Variants in SHISAL1 observed in about 807,000 individuals in gnomAD.
SHISAL1 encodes protein shisa-like-1.
Under a neutral mutation model 22.6 loss-of-function variants are expected in SHISAL1, and 9 were observed. The ratio of observed to expected loss-of-function variants is 0.40; its 90% CI spans 0.24 to 0.70. SHISAL1 has a LOEUF of 0.70. Among genes scored for constraint, SHISAL1 ranks in the 30% least tolerant of loss-of-function variants. SHISAL1 has a pLI of 0.39. For missense variants in SHISAL1, 246 were observed against 270.6 expected, an observed-to-expected ratio of 0.91 and a Z score of 0.64; for synonymous variants, 119 against 115.4, an observed-to-expected ratio of 1.03 and a Z score of -0.20.
At chr22:44,258,830 T>C (rs894734518) in intron 4 of SHISAL1, among the ~76,000 whole-genome samples, 2 of 152,090 alleles carry the variant, frequency 1.3e-5, no homozygotes, top group African/African-American at 4.8e-5. Context: ...CCCAGCATTG[T>C]GCATAATTTG....
rs182316809 is a variant in SHISAL1, at chr22:44,268,578, C to T, written c.599+16850G>A. Among the ~76,000 whole-genome samples, 39 of 152,342 alleles carry T rather than the reference C, an allele frequency of 2.6e-4. No homozygotes were observed. In the East Asian group the frequency reaches 5.4e-3, roughly 21 times the overall value. ...ACTCCCAGCCCAGGGTTCTGCTCTGCACCAGCACCCCCCAGAAGACTCAGT... is the reference window on the plus strand; with the variant it reads ...ACTCCCAGCCCAGGGTTCTGCTCTGTACCAGCACCCCCCAGAAGACTCAGT... On this transcript the variant is annotated intron_variant, in intron 4 of 4. Coordinates refer to ENST00000381176, the MANE Select transcript of SHISAL1 (RefSeq NM_001099294.2).
At position 44,270,741 on chromosome 22, in the gene SHISAL1, C is replaced by A. The variant is rs141611685; in HGVS notation, c.599+14687G>T. On this transcript the variant is annotated intron_variant, in intron 4 of 4. Transcript: ENST00000381176. ...AAGGACGCTGGGGGCCCTGGTGCAC[C>A]CCTGCAGCTGTGCTTCCCTGGCTCT... 7.0e-3 allele frequency among the ~76,000 whole-genome samples: 1,061 copies of A among 152,270 alleles called. 13 individuals carry two copies. Among genetic ancestry groups the A allele is most frequent in the African/African-American group, 0.024 (1,006 of 41,550 alleles).
At chr22:44,294,902 T>C (rs2055375506) in intron 3 of SHISAL1, among the ~76,000 whole-genome samples, 1 of 152,132 alleles carries the variant, frequency 6.6e-6, no homozygotes, top group Non-Finnish European at 1.5e-5. Context: ...ATGTCTAATA[T>C]CTATATGAAG....
the SHISAL1 span, among the ~76,000 whole-genome samples, chr22:44,320,174 T>C: frequency 2.0e-5 from 3 of 152,162 alleles, no homozygotes; most frequent in Non-Finnish European, 4.4e-5. Context: ...ACCTTAACCT[T>C]GGCATGGAGA....
intron 1 of SHISAL1, among the ~76,000 whole-genome samples, chr22:44,306,151 G>A (rs1200245091): frequency 6.6e-6 from 1 of 152,250 alleles, no homozygotes; most frequent in Admixed American, 6.5e-5. Context: ...GCTTCCATGA[G>A]GCGGCCAGCC....
At chr22:44,296,930 C>A (rs1298300643) in intron 2 of SHISAL1, 45 bp from the exon 3 acceptor site, 6 of 1,497,418 alleles carry the variant, frequency 4.0e-6, no homozygotes, top group Non-Finnish European at 5.5e-6. Flanking sequence ...CTCACCAGTC[C>A]ACGGGTGCCA....
At chr22:44,287,523 C>A (rs1300706641) in intron 3 of SHISAL1, among the ~76,000 whole-genome samples, 2 of 152,172 alleles carry the variant, frequency 1.3e-5, no homozygotes. Flanking sequence ...CTCCCGGTCA[C>A]TGTGCGTCCT....
chr22:44,307,042 G>A (rs1601806584), intron 1 of SHISAL1, among the ~76,000 whole-genome samples: 1 of 152,212 alleles, frequency 6.6e-6, no homozygotes, highest in South Asian at 2.1e-4. Context: ...ATGATGGCGT[G>A]TTACACCACT....
intron 4 of SHISAL1, among the ~76,000 whole-genome samples, chr22:44,267,441 A>C (rs2055172002): frequency 4.4e-5 from 6 of 136,518 alleles, no homozygotes; most frequent in East Asian, 2.1e-4. Flanking sequence ...GGCCAATCTC[A>C]CGGACTCCAC....
chr22:44,285,792 A>C (rs758039214), intron 3 of SHISAL1, 47 bp from the exon 4 acceptor site: 1 of 1,495,608 alleles, frequency 6.7e-7, no homozygotes, highest in Non-Finnish European at 9.2e-7. Context: ...GGAGCAGTCC[A>C]GCTCAGGCCG....
At chr22:44,270,696 CG>C (rs2055199970) in intron 4 of SHISAL1, among the ~76,000 whole-genome samples, 1 of 152,064 alleles carries the variant, frequency 6.6e-6, no homozygotes, top group South Asian at 2.1e-4. Context: ...AAAGAAGAGC[CG>C]GACACAGACG....
intron 1 of SHISAL1, among the ~76,000 whole-genome samples, chr22:44,306,074 G>A (rs2055469612): frequency 6.6e-6 from 1 of 152,220 alleles, no homozygotes; most frequent in East Asian, 1.9e-4. Context: ...TCCAAGCTAG[G>A]TCAGAAAGCT....
intron 1 of SHISAL1, among the ~76,000 whole-genome samples, chr22:44,310,000 G>C (rs936658257): frequency 1.6e-4 from 24 of 152,228 alleles, no homozygotes; most frequent in Admixed American, 1.1e-3. Context: ...CCAGGACCGA[G>C]GCAGCCAGAG....
In SHISAL1 at chr22:44,249,477, C is replaced by T. The variant is rs1295602457; in HGVS notation, c.*208G>A. 4.2e-6 allele frequency: 2 copies of T among 481,078 alleles called. No individual in the cohort carries two copies. The highest frequency in any genetic ancestry group is 7.1e-5 in the East Asian group (2 of 28,272). The allele number at this position is 481,078 out of a possible 1,614,324, so 29.8% of individuals were successfully genotyped here. ...GCGGACAGGTGGCTCAGAATCCCCT[C>T]CCCTGCACCCCCAGCCCCTACCCCT... On this transcript the variant is annotated 3_prime_UTR_variant, in exon 5 of 5. Transcript: ENST00000381176.
At chr22:44,268,019 G>T (rs550298095) in intron 4 of SHISAL1, among the ~76,000 whole-genome samples, 1 of 152,376 alleles carries the variant, frequency 6.6e-6, no homozygotes, top group African/African-American at 2.4e-5. Flanking sequence ...TCAACAGGGA[G>T]CTGTGTTGGG....
At chr22:44,330,732 A>G in the SHISAL1 span, among the ~76,000 whole-genome samples, 2 of 152,128 alleles carry the variant, frequency 1.3e-5, no homozygotes, top group Admixed American at 1.3e-4. Context: ...GAATAAATAT[A>G]ACCTCGAGAC....
chr22:44,262,911 C>G (rs117204867), intron 4 of SHISAL1, among the ~76,000 whole-genome samples: 1 of 152,160 alleles, frequency 6.6e-6, no homozygotes, highest in African/African-American at 2.4e-5. Flanking sequence ...AATAACCCTT[C>G]CCGCAGACGA....
chr22:44,299,691 G>A (rs900976802), intron 2 of SHISAL1, among the ~76,000 whole-genome samples: 1 of 152,042 alleles, frequency 6.6e-6, no homozygotes, highest in African/African-American at 2.4e-5. Context: ...GGCATGAGGA[G>A]GTACAGAGAG....
At chr22:44,287,686 T>G (rs761590110) in intron 3 of SHISAL1, among the ~76,000 whole-genome samples, 1 of 152,172 alleles carries the variant, frequency 6.6e-6, no homozygotes, top group African/African-American at 2.4e-5. Context: ...TAGCTTTTCC[T>G]GGAGGCATCT....
Sources: gnomAD v4.1 joint callset for allele counts (sites outside exome capture counted in the v4.1 genomes callset) on GRCh38, gnomAD v4.1.1 for gene constraint, MANE v1.5 for transcripts, NCBI Gene and HGNC (gene_info 2026-07-23, HGNC 2026-07-21) for gene names.